The following SDHAF4 variants were observed in gnomAD, a reference collection of about 807,000 sequenced individuals.
The protein encoded by SDHAF4 is succinate dehydrogenase complex assembly factor 4, also known as succinate dehydrogenase assembly factor 4, mitochondrial.
A neutral mutation model predicts 14.3 loss-of-function variants in SDHAF4; 14 were observed. That is an observed-to-expected ratio of 0.98 (90% CI 0.65 to 1.53). The LOEUF is 1.53. Among genes scored for constraint, SDHAF4 ranks in the 40% most tolerant of loss-of-function variants. The pLI is 0.00. For missense variants in SDHAF4, 141 were observed against 129.3 expected, an observed-to-expected ratio of 1.09 and a Z score of -0.44; for synonymous variants, 63 against 47.3, an observed-to-expected ratio of 1.33 and a Z score of -1.36.
intron 1 of SDHAF4, among the ~76,000 whole-genome samples, chr6:70,572,104 T>A (rs1031346691): frequency 2.1e-5 from 3 of 141,152 alleles, no homozygotes; most frequent in Admixed American, 1.5e-4. Flanking sequence ...AGTCTTGCTC[T>A]GTCGCCCAGG....
intron 1 of SDHAF4, among the ~76,000 whole-genome samples, chr6:70,572,917 A>G (rs1352519707): frequency 6.6e-6 from 1 of 152,180 alleles, no homozygotes; most frequent in Non-Finnish European, 1.5e-5. Flanking sequence ...ACTTTTGTAT[A>G]GTCAGTATGT....
chr6:70,580,827 G>A (rs567597453), intron 2 of SDHAF4, among the ~76,000 whole-genome samples: 62 of 152,238 alleles, frequency 4.1e-4, no homozygotes, highest in African/African-American at 1.4e-3. Flanking sequence ...CGGGGACTAA[G>A]GGAGAAGTCA....
chr6:70,587,363 G>A (rs1341157407), intron 2 of SDHAF4, among the ~76,000 whole-genome samples: 1 of 150,190 alleles, frequency 6.7e-6, no homozygotes, highest in African/African-American at 2.5e-5. Context: ...ATAGTGGTGT[G>A]CGCCTGTAGT....
chr6:70,586,999 A>G (rs1562059161), intron 2 of SDHAF4, among the ~76,000 whole-genome samples: 1 of 150,870 alleles, frequency 6.6e-6, no homozygotes, highest in African/African-American at 2.4e-5. Flanking sequence ...TAAAACCCCC[A>G]TCTCTACTAA....
At chr6:70,597,299 ATT>A in the SDHAF4 span, among the ~76,000 whole-genome samples, 19 of 108,066 alleles carry the variant, frequency 1.8e-4, no homozygotes, top group Non-Finnish European at 2.0e-4. Context: ...CGCCTGGCTA[ATT>A]TTTTTTTTTT....
chr6:70,579,591 G>C (rs779284148), intron 2 of SDHAF4, 25 bp downstream of exon 2: 1 of 1,543,932 alleles, frequency 6.5e-7, no homozygotes, highest in South Asian at 1.3e-5. Context: ...GCACCTCTCA[G>C]TTTTTGAAGT....
Position 70,567,003 on chromosome 6 carries a change from A to C in SDHAF4, c.63A>C (p.Ala21=). The C allele has an allele frequency of 6.3e-7, 1 of 1,587,022 alleles. No individual in the cohort carries two copies. The highest frequency in any genetic ancestry group is 8.6e-7 in the Non-Finnish European group (1 of 1,166,814). The change falls in exon 1 of 3, where the codon GCA becomes GCC. Residue 21 remains alanine, a splice_region_variant and synonymous_variant. Coordinates refer to ENST00000370474, the MANE Select transcript of SDHAF4 (RefSeq NM_145267.3). ...TCTCGGCCACGGCGTGGAGAGCGGC[A>C]AGTAAGCACCTGGCCTCGGGGCCAC... ...SWVSATAWRA[A]RSPLLCHSLR...
At chr6:70,595,163 C>G in the SDHAF4 span, among the ~76,000 whole-genome samples, 162 of 152,266 alleles carry the variant, frequency 1.1e-3, 3 homozygotes, top group Non-Finnish European at 1.8e-3. Flanking sequence ...CTGGGCTCCC[C>G]TAAGGTATCC....
chr6:70,594,735 G>A, the SDHAF4 span, among the ~76,000 whole-genome samples: 3 of 152,058 alleles, frequency 2.0e-5, no homozygotes, highest in African/African-American at 7.2e-5. Flanking sequence ...CAACATGGTG[G>A]AACCCCATCT....
At chr6:70,596,937 A>G in the SDHAF4 span, 1 of 152,232 alleles carries the variant, frequency 6.6e-6, no homozygotes, top group African/African-American at 2.4e-5. Context: ...TAATTTCAGA[A>G]CAGGACAGTA....
intron 1 of SDHAF4, among the ~76,000 whole-genome samples, chr6:70,576,251 T>G (rs1802253892): frequency 1.3e-5 from 2 of 152,238 alleles, no homozygotes; most frequent in Non-Finnish European, 2.9e-5. Flanking sequence ...TTCCCCCGTG[T>G]TCTGTCACAC....
intron 1 of SDHAF4, among the ~76,000 whole-genome samples, chr6:70,578,526 G>T (rs1288972881): frequency 6.6e-6 from 1 of 152,132 alleles, no homozygotes; most frequent in African/African-American, 2.4e-5. Flanking sequence ...TAGGTTGTAT[G>T]TTTACTCTGT....
Position 70,583,686 on chromosome 6 carries a change from AAAAAC to A in SDHAF4, c.217+4135_217+4139del, listed in dbSNP as rs769694195. ...AACAGCTGATGAGCTAAACAAAAAC[AAAAAC>A]AAAACAAAACAAAAATCACACAAAA... On this transcript the variant is annotated intron_variant, in intron 2 of 2. Coordinates refer to ENST00000370474, the MANE Select transcript of SDHAF4 (RefSeq NM_145267.3). Among the ~76,000 whole-genome samples the A allele has an allele frequency of 9.2e-5, 14 of 152,324 alleles. No individual in the cohort carries two copies. The East Asian group carries it at 1.2e-3, about 13-fold the overall frequency.
intron 1 of SDHAF4, among the ~76,000 whole-genome samples, chr6:70,574,108 G>A (rs1402293984): frequency 2.6e-5 from 4 of 151,896 alleles, no homozygotes; most frequent in African/African-American, 7.2e-5. Flanking sequence ...GTCACCTGAG[G>A]TCAGGTGTTC....
downstream of SDHAF4, among the ~76,000 whole-genome samples, chr6:70,593,325 G>A (rs1765275404): frequency 6.6e-6 from 1 of 152,236 alleles, no homozygotes. Flanking sequence ...ACAGCTTGTG[G>A]GCCCACGCAG....
At chr6:70,594,820 G>A in the SDHAF4 span, among the ~76,000 whole-genome samples, 6 of 151,762 alleles carry the variant, frequency 4.0e-5, no homozygotes, top group Non-Finnish European at 7.4e-5. Context: ...GCTGAAGCAG[G>A]AGAATCACTT....
intron 1 of SDHAF4, among the ~76,000 whole-genome samples, chr6:70,575,737 G>A (rs538951889): frequency 6.6e-6 from 1 of 151,962 alleles, no homozygotes; most frequent in Non-Finnish European, 1.5e-5. Context: ...GAGAGAGAGA[G>A]AGTCATTCTT....
the SDHAF4 span, chr6:70,596,289 G>A: frequency 1.3e-5 from 2 of 152,178 alleles, no homozygotes; most frequent in African/African-American, 4.8e-5. Flanking sequence ...GAGAATGGCA[G>A]GACTATTAAC....
chr6:70,598,174 T>C, the SDHAF4 span, among the ~76,000 whole-genome samples: 42 of 152,236 alleles, frequency 2.8e-4, no homozygotes, highest in Non-Finnish European at 3.4e-4. Context: ...AGTCAGGAGT[T>C]TGAGACCAGC....
Sources: gnomAD v4.1 joint callset for allele counts (sites outside exome capture counted in the v4.1 genomes callset) on GRCh38, gnomAD v4.1.1 for gene constraint, MANE v1.5 for transcripts, NCBI Gene and HGNC (gene_info 2026-07-23, HGNC 2026-07-21) for gene names.